Variants in NUP155 observed in about 807,000 individuals in gnomAD.
NUP155 encodes the protein nucleoporin 155, also known as nuclear pore complex protein Nup155.
NUP155 carries 71 observed loss-of-function variants against 180.4 expected under a neutral mutation model. The ratio of observed to expected loss-of-function variants is 0.39; its 90% CI spans 0.33 to 0.48. The LOEUF (loss-of-function observed/expected upper bound fraction) is 0.48. Among genes scored for constraint, NUP155 ranks in the 20% least tolerant of loss-of-function variants. The probability of loss-of-function intolerance (pLI) is 0.91; values close to 1 mark genes in which losing one functional copy is unlikely to be tolerated. For synonymous variants in NUP155, 582 were observed against 559.5 expected (o/e 1.04, Z -0.57); for missense variants, 1,553 against 1,648.9 (o/e 0.94, Z 1.01).
At position 37,291,955 on chromosome 5, in the gene NUP155, T is replaced by C; in HGVS notation, c.4121A>G (p.Gln1374Arg). 3.1e-6 allele frequency: 5 copies of C among 1,614,046 alleles called. No homozygotes were observed. Among genetic ancestry groups the C allele is most frequent in the Non-Finnish European group, 4.2e-6 (5 of 1,179,910 alleles). The change falls in exon 35 of 35, where the codon CAA (glutamine) becomes CGA (arginine). Residue 1374 changes from glutamine (Q) to arginine (R), a missense_variant. By Grantham distance (43) the Gln-to-Arg change is conservative. Coordinates refer to ENST00000231498, the MANE Select transcript of NUP155 (RefSeq NM_153485.3). ...AGATTTAAAATTCCCAGTGATGGCTTGTACTGCTACTGACGAGCTCATAGA... is the reference window on the plus strand; with the variant it reads ...AGATTTAAAATTCCCAGTGATGGCTCGTACTGCTACTGACGAGCTCATAGA... ...LQSMSSSVAV[Q>R]AITGNFKSLQ... is the part of the protein sequence containing the mutation.
chr5:37,341,267 T>C (rs752560982), intron 10 of NUP155, 25 bp from the exon 11 acceptor site: 6 of 1,605,652 alleles, frequency 3.7e-6, no homozygotes, highest in Non-Finnish European at 1.7e-6. Flanking sequence ...AAATTATGCA[T>C]CAGTAATAGA....
intron 1 of NUP155, among the ~76,000 whole-genome samples, chr5:37,367,179 G>C (rs1179982701): frequency 6.6e-6 from 1 of 151,894 alleles, no homozygotes; most frequent in African/African-American, 2.4e-5. Context: ...TGAGTAGCTA[G>C]GACTACAGTG....
chr5:37,329,749 T>C lies in NUP155; in HGVS notation c.1724+289A>G, dbSNP rs140229695. Among the ~76,000 whole-genome samples the C allele has an allele frequency of 6.0e-3, 910 of 152,128 alleles. 10 individuals carry two copies. Among genetic ancestry groups the C allele is most frequent in the African/African-American group, 0.02 (832 of 41,488 alleles). On this transcript the variant is annotated intron_variant, in intron 15 of 34. Coordinates refer to ENST00000231498, the MANE Select transcript of NUP155 (RefSeq NM_153485.3). The stretch of plus-strand genomic sequence containing the variant: ...AGAATTGGCATAGTGTTTGGGGAAG[T>C]AAAAAAGATAGATGAGACAGTAACT...
rs1491479498 is a variant in NUP155 at position 37,355,561 on chromosome 5, ATT to A, written c.463+2518_463+2519del. 3.6e-3 allele frequency among the ~76,000 whole-genome samples: 492 copies of A among 136,522 alleles called. 9 individuals carry two copies. Among genetic ancestry groups the A allele is most frequent in the African/African-American group, 0.013 (444 of 35,148 alleles). The allele number at this position is 136,522 out of a possible 152,430, so 89.6% of individuals were successfully genotyped here. On this transcript the variant is annotated intron_variant, in intron 4 of 34. Transcript: ENST00000231498. ...TGTGTGTGTGTGTATATATATATAT[ATT>A]TATTTATTTGTTTGTTTGTTTGTTT...
Position 37,352,565 on chromosome 5 carries a change from CA to C in NUP155, c.556+171del, listed in dbSNP as rs1413725133. ...AAAAACAAAACAAAACAAAACAAAA[CA>C]AAAAACTAACCCAATGTTAACTTGT... On this transcript the variant is annotated intron_variant, in intron 5 of 34. Coordinates refer to ENST00000231498, the MANE Select transcript of NUP155 (RefSeq NM_153485.3). Among the ~76,000 whole-genome samples the C allele has an allele frequency of 2.6e-5, 4 of 151,988 alleles. No homozygotes were observed. In the East Asian group the frequency reaches 7.7e-4, roughly 29 times the overall value.
At chr5:37,363,631 C>T (rs1279540231) in intron 3 of NUP155, among the ~76,000 whole-genome samples, 1 of 152,190 alleles carries the variant, frequency 6.6e-6, no homozygotes, top group Non-Finnish European at 1.5e-5. Context: ...ACCCGGGCTC[C>T]TGCCACTCAA....
intron 4 of NUP155, among the ~76,000 whole-genome samples, chr5:37,357,156 T>C (rs1292506403): frequency 6.6e-6 from 1 of 150,650 alleles, no homozygotes. Flanking sequence ...CTCACAAGTG[T>C]TAACCCAGCA....
At chr5:37,314,818 A>T (rs1018535085) in intron 21 of NUP155, among the ~76,000 whole-genome samples, 4 of 152,120 alleles carry the variant, frequency 2.6e-5, no homozygotes, top group Non-Finnish European at 5.9e-5. Context: ...AAAATAAAAG[A>T]GAGACAAAAA....
intron 12 of NUP155, among the ~76,000 whole-genome samples, chr5:37,334,960 C>T (rs528486565): frequency 6.6e-6 from 1 of 151,990 alleles, no homozygotes; most frequent in African/African-American, 2.4e-5. Flanking sequence ...GAGTTCGAGA[C>T]CAGCCAGGCC....
chr5:37,322,503 C>A (rs1206474479), intron 20 of NUP155, among the ~76,000 whole-genome samples: 1 of 151,870 alleles, frequency 6.6e-6, no homozygotes, highest in Admixed American at 6.6e-5. Context: ...GTCAGGAGAT[C>A]GAGACCATCC....
At position 37,342,603 on chromosome 5, in the gene NUP155, C is replaced by T; in HGVS notation, c.1039G>A (p.Val347Met). The change falls in exon 10 of 35, where the codon GTG becomes ATG. Residue 347 changes from valine (V) to methionine (M), a missense_variant. Val to Met is a conservative substitution (Grantham distance 21, BLOSUM62 1). Coordinates refer to ENST00000231498, the MANE Select transcript of NUP155 (RefSeq NM_153485.3). ...SVFKPIVQIA[V>M]IENSESLDCQ... ...TCCAGTGATTCAGAATTTTCAATCA[C>T]TGCTATTTGGACAATTGGTTTAAAA... is the stretch of plus-strand genomic sequence containing the variant. The T allele has an allele frequency of 6.2e-7, 1 of 1,613,380 alleles. No individual in the cohort carries two copies. Among genetic ancestry groups the T allele is most frequent in the Non-Finnish European group, 8.5e-7 (1 of 1,179,414 alleles).
At chr5:37,350,408 G>T (rs967907245) in intron 6 of NUP155, 143 bp from the exon 7 acceptor site, 2 of 634,864 alleles carry the variant, frequency 3.2e-6, no homozygotes, top group South Asian at 3.8e-5. Context: ...TCAACAAAAC[G>T]AGACATATTA....
intron 18 of NUP155, among the ~76,000 whole-genome samples, chr5:37,326,200 A>G (rs1036812739): frequency 3.3e-5 from 5 of 152,220 alleles, no homozygotes; most frequent in Admixed American, 3.3e-4. Flanking sequence ...AAGGCTCTGT[A>G]TAATAAATTG....
intron 21 of NUP155, among the ~76,000 whole-genome samples, chr5:37,316,628 C>T (rs1200277620): frequency 3.3e-5 from 5 of 151,976 alleles, no homozygotes; most frequent in African/African-American, 4.8e-5. Flanking sequence ...CCACGCCTGG[C>T]TAATTTTTGT....
intron 22 of NUP155, 38 bp from the exon 23 acceptor site, chr5:37,310,781 T>C: frequency 7.0e-7 from 1 of 1,423,554 alleles, no homozygotes; most frequent in Non-Finnish European, 9.9e-7. Flanking sequence ...ATTATAGAAA[T>C]ACCATATTTC....
chr5:37,355,533 ATG>A (rs530957145), intron 4 of NUP155, among the ~76,000 whole-genome samples: 7,688 of 147,342 alleles, frequency 0.052, 228 homozygotes, highest in African/African-American at 0.082. Context: ...CGGTTAAAGA[ATG>A]TGTGTGTGTG....
At chr5:37,347,491 T>C (rs1581194147) in intron 9 of NUP155, among the ~76,000 whole-genome samples, 1 of 148,582 alleles carries the variant, frequency 6.7e-6, no homozygotes, top group African/African-American at 2.5e-5. Flanking sequence ...AGGTCGGGAG[T>C]TCGAGACCAG....
chr5:37,370,108 C>A (rs1427047238), intron 1 of NUP155, among the ~76,000 whole-genome samples: 2 of 152,196 alleles, frequency 1.3e-5, no homozygotes, highest in Non-Finnish European at 2.9e-5. Context: ...CAGTGGCTTG[C>A]GCCTGTAATC....
chr5:37,331,647 A>C (rs1202695099), intron 14 of NUP155, 38 bp downstream of exon 14: 2 of 1,184,096 alleles, frequency 1.7e-6, no homozygotes, highest in Non-Finnish European at 2.5e-6. Context: ...CTGTTTGTTT[A>C]AAATAGCATC....
Sources: allele counts gnomAD v4.1 joint callset (sites outside exome capture counted in the v4.1 genomes callset), GRCh38; gene constraint gnomAD v4.1.1; transcripts MANE v1.5; gene names NCBI Gene and HGNC (gene_info 2026-07-23, HGNC 2026-07-21).